Variants in ALKAL1 observed in about 807,000 individuals in gnomAD.
The protein encoded by ALKAL1 is ALK and LTK ligand 1, also known as AUG-beta.
In ALKAL1, 23 loss-of-function variants were observed where a neutral mutation model predicts 13.5. The observed-to-expected ratio is 1.70, with a 90% CI of 1.23 to 2.41. The LOEUF is 2.41. Ranked by LOEUF, ALKAL1 falls within the 30% of genes most tolerant of loss-of-function variation. ALKAL1 has a pLI of 0.00. For missense variants in ALKAL1, 181 were observed against 178.4 expected, an observed-to-expected ratio of 1.01 and a Z score of -0.08; for synonymous variants, 85 against 77.7, an observed-to-expected ratio of 1.09 and a Z score of -0.49.
At chr8:52,555,379 C>A (rs543222786) in intron 1 of ALKAL1, among the ~76,000 whole-genome samples, 1 of 152,156 alleles carries the variant, frequency 6.6e-6, no homozygotes, top group Non-Finnish European at 1.5e-5. Context: ...GTTTTGCTGA[C>A]CCTGGAGAGA....
In ALKAL1 at chr8:52,565,057, G is replaced by A. The variant is rs1204594601; in HGVS notation, c.190+10C>T. The A allele has an allele frequency of 1.4e-6, 2 of 1,381,728 alleles. No individual in the cohort carries two copies. Among genetic ancestry groups the A allele is most frequent in the African/African-American group, 3.0e-5 (2 of 65,768 alleles). The allele number at this position is 1,381,728 out of a possible 1,614,324, so 85.6% of individuals were successfully genotyped here. On this transcript the variant is annotated intron_variant, in intron 1 of 4. Transcript: ENST00000358543. ...AGGGCAAAGGATGGGGCGGGATGGG[G>A]ACATCGTACCTGCGCTCCGGGAGCC...
intron 2 of ALKAL1, among the ~76,000 whole-genome samples, chr8:52,540,553 C>A (rs1297333646): frequency 2.0e-5 from 3 of 151,976 alleles, no homozygotes; most frequent in Admixed American, 6.6e-5. Context: ...TAGCAAGACC[C>A]TGTTTCTACA....
At chr8:52,542,624 A>C (rs1264804268) in intron 1 of ALKAL1, among the ~76,000 whole-genome samples, 179 bp from the exon 2 acceptor site, 1 of 152,228 alleles carries the variant, frequency 6.6e-6, no homozygotes, top group Non-Finnish European at 1.5e-5. Flanking sequence ...AAACTGCAGT[A>C]CAACTCACTG....
chr8:52,541,844 GC>G (rs1020217538), intron 2 of ALKAL1, among the ~76,000 whole-genome samples: 5 of 151,814 alleles, frequency 3.3e-5, no homozygotes, highest in African/African-American at 1.2e-4. Context: ...AATTTATATT[GC>G]CCCCTCCCTC....
chr8:52,565,115 G>A lies in ALKAL1; in HGVS notation c.142C>T (p.Leu48Phe), dbSNP rs1364749936. 18 of 1,416,142 alleles carry A rather than the reference G, an allele frequency of 1.3e-5. No homozygotes were observed. Among genetic ancestry groups the A allele is most frequent in the Non-Finnish European group, 1.7e-5 (18 of 1,078,882 alleles). 87.7% of individuals were successfully genotyped at this position (1,416,142 alleles called of 1,614,324 possible). A position where few individuals can be genotyped will look rare whatever the true frequency, so the allele number is the denominator to read the frequency against. ...TDKEPKPLLF[L>F]PAAGAGRTPS... ...GTCCGGCCGGCCCCGGCCGCGGGGA[G>A]GAAAAGCAACGGCTTGGGCTCCTTA... The change falls in exon 1 of 5, where the codon CTC (leucine) becomes TTC (phenylalanine). Residue 48 changes from leucine (L) to phenylalanine (F), a missense_variant. By Grantham distance (22) the Leu-to-Phe change is conservative (BLOSUM62 0). Transcript: ENST00000358543.
intron 2 of ALKAL1, among the ~76,000 whole-genome samples, chr8:52,540,656 G>A (rs1243540832): frequency 3.9e-5 from 6 of 152,204 alleles, no homozygotes; most frequent in Non-Finnish European, 5.9e-5. Flanking sequence ...GGATCCTTGA[G>A]CCCAGGAGAT....
chr8:52,546,032 GGTGA>G (rs1471175324), intron 1 of ALKAL1, among the ~76,000 whole-genome samples: 2 of 152,196 alleles, frequency 1.3e-5, no homozygotes, highest in South Asian at 2.1e-4. Flanking sequence ...GTAACACCAT[GGTGA>G]GTATTTGTGA....
chr8:52,564,639 G>GA (rs1563324846), intron 1 of ALKAL1, among the ~76,000 whole-genome samples: 2 of 152,186 alleles, frequency 1.3e-5, no homozygotes, highest in African/African-American at 2.4e-5. Flanking sequence ...AAGGGGAGGG[G>GA]AAAGGGGCAT....
intron 1 of ALKAL1, among the ~76,000 whole-genome samples, chr8:52,562,874 C>T (rs17250891): frequency 0.089 from 13,486 of 152,196 alleles, 701 homozygotes; most frequent in Non-Finnish European, 0.11. Flanking sequence ...TGAGTGCACC[C>T]CGTGAGAACA....
intron 1 of ALKAL1, among the ~76,000 whole-genome samples, chr8:52,563,314 C>G (rs1847569715): frequency 1.3e-5 from 2 of 152,202 alleles, no homozygotes; most frequent in South Asian, 4.2e-4. Flanking sequence ...GCCTGTAATC[C>G]TAGCTACGTG....
At chr8:52,555,579 G>A (rs1159980393) in intron 1 of ALKAL1, among the ~76,000 whole-genome samples, 1 of 152,154 alleles carries the variant, frequency 6.6e-6, no homozygotes, top group African/African-American at 2.4e-5. Context: ...AGCCAATGCA[G>A]AGCCCACACC....
chr8:52,561,522 C>T (rs1332311435), intron 1 of ALKAL1, among the ~76,000 whole-genome samples: 1 of 152,148 alleles, frequency 6.6e-6, no homozygotes, highest in African/African-American at 2.4e-5. Flanking sequence ...AAGCCTGGGA[C>T]TGGCACAGAG....
At chr8:52,538,305 C>T (rs1847281316) in intron 4 of ALKAL1, 126 bp downstream of exon 4, 1 of 617,916 alleles carries the variant, frequency 1.6e-6, no homozygotes, top group Non-Finnish European at 2.9e-6. Flanking sequence ...ATACAAGTAT[C>T]AAAATGTAAC....
intron 1 of ALKAL1, among the ~76,000 whole-genome samples, chr8:52,543,481 A>C (rs939974923): frequency 6.6e-6 from 1 of 152,200 alleles, no homozygotes; most frequent in Admixed American, 6.5e-5. Context: ...TCCCCAGTTC[A>C]GGGCAGCCTT....
intron 1 of ALKAL1, among the ~76,000 whole-genome samples, chr8:52,546,550 C>T (rs973770729): frequency 1.3e-5 from 2 of 152,244 alleles, no homozygotes; most frequent in Admixed American, 6.5e-5. Context: ...TAGCTCATAG[C>T]TTATGCCCCT....
intron 1 of ALKAL1, among the ~76,000 whole-genome samples, chr8:52,546,352 C>G (rs1359911189): frequency 6.6e-6 from 1 of 152,196 alleles, no homozygotes; most frequent in Admixed American, 6.5e-5. Context: ...TGCACAGATA[C>G]TATGGCTCAC....
At chr8:52,548,624 AAAT>A (rs910111074) in intron 1 of ALKAL1, among the ~76,000 whole-genome samples, 2 of 152,300 alleles carry the variant, frequency 1.3e-5, no homozygotes, top group African/African-American at 4.8e-5. Flanking sequence ...GCCAATTAAA[AAAT>A]AATATAAAAT....
intron 2 of ALKAL1, among the ~76,000 whole-genome samples, chr8:52,540,742 A>C (rs1847304963): frequency 6.6e-6 from 1 of 152,080 alleles, no homozygotes; most frequent in Non-Finnish European, 1.5e-5. Flanking sequence ...CTCTTAAAAA[A>C]AATACACATA....
intron 1 of ALKAL1, 97 bp from the exon 2 acceptor site, chr8:52,542,542 C>G: frequency 1.3e-6 from 1 of 750,094 alleles, no homozygotes; most frequent in Non-Finnish European, 2.2e-6. Context: ...GCACTAAACA[C>G]ATGGATTTGT....
Sources: allele counts gnomAD v4.1 joint callset (sites outside exome capture counted in the v4.1 genomes callset), GRCh38; gene constraint gnomAD v4.1.1; transcripts MANE v1.5; gene names NCBI Gene and HGNC (gene_info 2026-07-23, HGNC 2026-07-21).